The following UBE3C variants were observed in gnomAD, a reference collection of about 807,000 sequenced individuals.
UBE3C encodes the protein ubiquitin-protein ligase E3C.
Under a neutral mutation model 129.4 loss-of-function variants are expected in UBE3C, and 42 were observed. The observed-to-expected ratio is 0.32, with a 90% CI of 0.25 to 0.42. UBE3C has a LOEUF of 0.42. Ranked by LOEUF, UBE3C falls within the 10% of genes least tolerant of loss-of-function variation. The pLI, the probability that UBE3C is intolerant of heterozygous loss-of-function variation, is 1.00. For missense variants in UBE3C, 1,049 were observed against 1,319.1 expected (o/e 0.80, Z 3.17); for synonymous variants, 510 against 492.4 (o/e 1.04, Z -0.47).
intron 1 of UBE3C, among the ~76,000 whole-genome samples, chr7:157,158,594 A>G (rs1807981930): frequency 6.6e-6 from 1 of 152,244 alleles, no homozygotes; most frequent in African/African-American, 2.4e-5. Flanking sequence ...CTAATGATTT[A>G]GCTCATTGTC....
chr7:157,181,774 G>A (rs2116922414), intron 7 of UBE3C, 103 bp downstream of exon 7: 2 of 1,443,556 alleles, frequency 1.4e-6, no homozygotes, highest in Non-Finnish European at 1.9e-6. Context: ...TGAAATTCAG[G>A]TTTTTACTTT....
chr7:157,200,467 C>T (rs890809357), intron 10 of UBE3C, among the ~76,000 whole-genome samples: 1 of 152,084 alleles, frequency 6.6e-6, no homozygotes, highest in African/African-American at 2.4e-5. Context: ...TGAAAGACCT[C>T]ATCTCTTAAA....
rs1483849316 is a variant in UBE3C, at chr7:157,184,171, CCA to C, written c.1143+145_1143+146del. ...CAGAGAAGCCCCGTCAGCCCCACTACCACAGTTTCTAGTGATGGGAAAGTCTC... is the reference window on the plus strand; with the variant it reads ...CAGAGAAGCCCCGTCAGCCCCACTACCAGTTTCTAGTGATGGGAAAGTCTC... On this transcript the variant is annotated intron_variant, in intron 9 of 22. Coordinates refer to ENST00000348165, the MANE Select transcript of UBE3C (RefSeq NM_014671.3). 2.8e-6 allele frequency: 3 copies of C among 1,053,332 alleles called. No homozygotes were observed. In the East Asian group the frequency reaches 7.7e-5, roughly 27 times the overall value. 65.2% of individuals were successfully genotyped at this position (1,053,332 alleles called of 1,614,324 possible).
intron 18 of UBE3C, among the ~76,000 whole-genome samples, chr7:157,243,416 G>A (rs1457790810): frequency 6.6e-6 from 1 of 152,216 alleles, no homozygotes; most frequent in Non-Finnish European, 1.5e-5. Context: ...AGGCAGAGTT[G>A]CTCTTTTTCT....
At chr7:157,158,255 C>T (rs1345580802) in intron 1 of UBE3C, among the ~76,000 whole-genome samples, 1 of 151,850 alleles carries the variant, frequency 6.6e-6, no homozygotes, top group Non-Finnish European at 1.5e-5. Flanking sequence ...TATAATGAAG[C>T]CTTTTGAAAA....
At position 157,139,199 on chromosome 7, in the gene UBE3C, C is replaced by G. The variant is rs1396493833; in HGVS notation, c.-74C>G. On this transcript the variant is annotated 5_prime_UTR_variant, in exon 1 of 23. Transcript: ENST00000348165. ...CGGGCGGGCGGGCGCCGAGAGCCTC[C>G]CAGCCCGCCCCGTGCCCCGCCCGCC... 8.5e-7 allele frequency: 1 copy of G among 1,172,710 alleles called. No individual in the cohort carries two copies. Among genetic ancestry groups the G allele is most frequent in the Non-Finnish European group, 1.1e-6 (1 of 935,348 alleles). 72.6% of individuals were successfully genotyped at this position (1,172,710 alleles called of 1,614,324 possible).
chr7:157,140,813 C>G (rs902320873), intron 1 of UBE3C, among the ~76,000 whole-genome samples: 2 of 152,178 alleles, frequency 1.3e-5, no homozygotes, highest in Admixed American at 6.5e-5. Context: ...TGATCAGAAT[C>G]TCAAGGGAAG....
intron 2 of UBE3C, among the ~76,000 whole-genome samples, chr7:157,167,226 C>T (rs1454472951): frequency 2.2e-4 from 34 of 151,924 alleles, no homozygotes; most frequent in Non-Finnish European, 1.5e-4. Context: ...CCACCATGCC[C>T]GACCTCACAG....
chr7:157,203,511 A>G (rs1228975172), intron 11 of UBE3C, among the ~76,000 whole-genome samples: 2 of 152,162 alleles, frequency 1.3e-5, no homozygotes, highest in Non-Finnish European at 2.9e-5. Flanking sequence ...AGGACAGGAA[A>G]TTATCGTTTA....
chr7:157,265,442 A>G (rs1797050495), intron 22 of UBE3C, among the ~76,000 whole-genome samples: 1 of 152,254 alleles, frequency 6.6e-6, no homozygotes, highest in Non-Finnish European at 1.5e-5. Flanking sequence ...ACACGCCCAT[A>G]GGTCTCATGC....
intron 11 of UBE3C, among the ~76,000 whole-genome samples, chr7:157,202,848 A>G (rs139171151): frequency 1.3e-5 from 2 of 152,344 alleles, no homozygotes; most frequent in African/African-American, 4.8e-5. Flanking sequence ...GTGGGAAGAC[A>G]CATCTCAGTT....
Position 157,163,304 on chromosome 7 carries a change from G to A in UBE3C, c.67-506G>A, listed in dbSNP as rs1428079888. On this transcript the variant is annotated intron_variant, in intron 1 of 22. Coordinates refer to ENST00000348165, the MANE Select transcript of UBE3C (RefSeq NM_014671.3). ...TGGGAGGCTGAGGCAGGAGAATGGC[G>A]TGAACCCGGGAGGCGGAGCTTGCAG... 4.0e-5 allele frequency among the ~76,000 whole-genome samples: 6 copies of A among 150,596 alleles called. No homozygotes were observed. In the South Asian group the frequency reaches 8.4e-4, roughly 21 times the overall value.
intron 22 of UBE3C, among the ~76,000 whole-genome samples, chr7:157,262,409 CTTTTTTTTTTTTTT>C (rs371300314): frequency 1.1e-4 from 6 of 54,030 alleles, no homozygotes; most frequent in African/African-American, 7.4e-5. Flanking sequence ...TCTTCATAGG[CTTTTTTTTTTTTTT>C]TTTTTTTTTT....
intron 4 of UBE3C, among the ~76,000 whole-genome samples, chr7:157,173,760 C>T (rs532726899): frequency 1.7e-4 from 26 of 152,194 alleles, no homozygotes; most frequent in Admixed American, 7.2e-4. Flanking sequence ...AATTTTAGGA[C>T]GAACTACATG....
chr7:157,139,412 T>TCGGGGCC (rs1807362119), intron 1 of UBE3C, 74 bp downstream of exon 1: 2 of 1,376,074 alleles, frequency 1.5e-6, no homozygotes, highest in East Asian at 3.0e-5. Context: ...GACTCGGGGC[T>TCGGGGCC]GGACTCGGGG....
At chr7:157,140,020 T>C (rs1807393673) in intron 1 of UBE3C, 1 of 985,412 alleles carries the variant, frequency 1.0e-6, no homozygotes, top group East Asian at 1.1e-4. Context: ...GTTCGCATGG[T>C]AATTGTTTAG....
chr7:157,256,547 C>T (rs77091531), intron 21 of UBE3C: 2,718 of 159,744 alleles, frequency 0.017, 82 homozygotes, highest in African/African-American at 0.062. Flanking sequence ...CAGAGAATTC[C>T]GCTTTTGCAT....
intron 17 of UBE3C, among the ~76,000 whole-genome samples, chr7:157,228,373 G>GTT (rs1438001404): frequency 6.6e-6 from 1 of 152,220 alleles, no homozygotes; most frequent in African/African-American, 2.4e-5. Flanking sequence ...TGGGATTGCT[G>GTT]TAAGAATTGT....
chr7:157,194,790 G>A (rs1809072161), intron 10 of UBE3C, among the ~76,000 whole-genome samples: 1 of 152,206 alleles, frequency 6.6e-6, no homozygotes, highest in Non-Finnish European at 1.5e-5. Context: ...AAGCTGAATT[G>A]TGTCCTGCAG....
Sources: gnomAD v4.1 joint callset for allele counts (sites outside exome capture counted in the v4.1 genomes callset) on GRCh38, gnomAD v4.1.1 for gene constraint, MANE v1.5 for transcripts, NCBI Gene and HGNC (gene_info 2026-07-23, HGNC 2026-07-21) for gene names.